NOL11: variants seen among roughly 807,000 people sequenced by gnomAD.
NOL11 encodes nucleolar protein 11.
Under a neutral mutation model 93.0 loss-of-function variants are expected in NOL11, and 42 were observed. The observed-to-expected ratio is 0.45, with a 90% confidence interval of 0.35 to 0.58. The LOEUF (loss-of-function observed/expected upper bound fraction) is 0.58. NOL11 is among the 20% of genes least tolerant of loss of function. The pLI, the probability that NOL11 is intolerant of heterozygous loss-of-function variation, is 0.00. For synonymous variants in NOL11, 296 were observed against 293.7 expected (o/e 1.01, Z -0.08); for missense variants, 775 against 841.8 (o/e 0.92, Z 0.98).
At chr17:67,727,194 C>T (rs2055103713) in intron 7 of NOL11, among the ~76,000 whole-genome samples, 1 of 152,210 alleles carries the variant, frequency 6.6e-6, no homozygotes, top group Admixed American at 6.5e-5. Context: ...CACTAGAAAA[C>T]TCAGACTCTG....
In NOL11 at chr17:67,743,580, A is replaced by G; in HGVS notation, c.2037A>G (p.Lys679=). ...TGATAAATCTTTACAAGCTTGTAAAATCTCAGGTTTGTGATTATTTGATAT... is the reference window on the plus strand; with the variant it reads ...TGATAAATCTTTACAAGCTTGTAAAGTCTCAGGTTTGTGATTATTTGATAT... ...RLLINLYKLV[K]SQISVYSELN... The change falls in exon 17 of 18, where the codon AAA becomes AAG. Residue 679 remains lysine (K), a synonymous_variant. Coordinates refer to ENST00000253247, the MANE Select transcript of NOL11 (RefSeq NM_015462.5). 1.3e-6 allele frequency: 2 copies of G among 1,576,180 alleles called. No homozygotes were observed. The highest frequency in any genetic ancestry group is 8.7e-7 in the Non-Finnish European group (1 of 1,150,786).
chr17:67,735,875 A>G (rs369134718), intron 8 of NOL11, 25 bp from the exon 9 acceptor site: 1 of 1,596,656 alleles, frequency 6.3e-7, no homozygotes, highest in South Asian at 1.1e-5. Context: ...AAATTTGCTT[A>G]TGTTTTTGAT....
chr17:67,739,718 T>C (rs2055237610), intron 16 of NOL11, 110 bp downstream of exon 16: 1 of 667,712 alleles, frequency 1.5e-6, no homozygotes, highest in African/African-American at 1.9e-5. Context: ...TCCTAGGCCG[T>C]AGGAATCCCT....
At chr17:67,741,478 C>G (rs1048190437) in intron 16 of NOL11, among the ~76,000 whole-genome samples, 1 of 151,996 alleles carries the variant, frequency 6.6e-6, no homozygotes, top group Non-Finnish European at 1.5e-5. Flanking sequence ...TCTTGGCCTC[C>G]CAAAGCATGT....
rs560130697 is a variant in NOL11 at position 67,743,946 on chromosome 17, C to T, written c.*87C>T. On this transcript the variant is annotated 3_prime_UTR_variant, in exon 18 of 18. Transcript: ENST00000253247. ...CCAGGCAAGAACGGTGTTTTGTTTG[C>T]GACCATCTCAGTGTCAAGAGAAACG... The T allele has an allele frequency of 4.6e-5, 32 of 693,804 alleles. No homozygotes were observed. In the Admixed American group the frequency reaches 5.0e-4, roughly 11 times the overall value. The allele number at this position is 693,804 out of a possible 1,614,324, so 43.0% of individuals were successfully genotyped here.
intron 16 of NOL11, among the ~76,000 whole-genome samples, chr17:67,742,710 G>A (rs2055267443): frequency 6.6e-6 from 1 of 152,080 alleles, no homozygotes; most frequent in African/African-American, 2.4e-5. Flanking sequence ...CTCCCAAATG[G>A]ATAGCCAGTT....
chr17:67,721,361 T>G lies in NOL11; in HGVS notation c.313-17T>G. ...ATTGTTTTAGAATAAAAATTAAAATTTTTTATGTTCTTCCAGTTGTCAGCA... is the reference window on the plus strand; with the variant it reads ...ATTGTTTTAGAATAAAAATTAAAATGTTTTATGTTCTTCCAGTTGTCAGCA... On this transcript the variant is annotated splice_polypyrimidine_tract_variant and intron_variant, in intron 3 of 17. Transcript: ENST00000253247. 6.7e-7 allele frequency: 1 copy of G among 1,493,368 alleles called. No individual in the cohort carries two copies. Among genetic ancestry groups the G allele is most frequent in the Non-Finnish European group, 8.9e-7 (1 of 1,119,708 alleles). 92.5% of individuals were successfully genotyped at this position (1,493,368 alleles called of 1,614,324 possible).
chr17:67,727,542 A>C (rs955479343), intron 7 of NOL11, among the ~76,000 whole-genome samples: 3 of 152,142 alleles, frequency 2.0e-5, no homozygotes, highest in Non-Finnish European at 2.9e-5. Flanking sequence ...CTGTAATCCC[A>C]GCTACTCAGG....
intron 1 of NOL11, chr17:67,718,993 T>TC (rs1337521958): frequency 2.0e-5 from 3 of 152,222 alleles, no homozygotes; most frequent in Non-Finnish European, 4.4e-5. Context: ...AGGCATAACT[T>TC]CCCATGCAGA....
At chr17:67,718,168 C>A in intron 1 of NOL11, 80 bp downstream of exon 1, 1 of 1,560,396 alleles carries the variant, frequency 6.4e-7, no homozygotes. Context: ...AAGTTTCTCA[C>A]AGCTTCAGAA....
chr17:67,731,775 A>C (rs1320392433), intron 7 of NOL11, among the ~76,000 whole-genome samples: 1 of 152,202 alleles, frequency 6.6e-6, no homozygotes, highest in Non-Finnish European at 1.5e-5. Flanking sequence ...CCAGCACCAC[A>C]GTGGTCCTGG....
intron 4 of NOL11, among the ~76,000 whole-genome samples, chr17:67,722,315 G>A (rs1192241139): frequency 6.6e-6 from 1 of 152,162 alleles, no homozygotes; most frequent in African/African-American, 2.4e-5. Flanking sequence ...ATTTAAGTTT[G>A]GGAAGCACTG....
chr17:67,729,238 G>C (rs948650246), intron 7 of NOL11, among the ~76,000 whole-genome samples: 2 of 151,922 alleles, frequency 1.3e-5, no homozygotes, highest in African/African-American at 4.8e-5. Flanking sequence ...GGGATTACAG[G>C]CATGTGCCAC....
intron 4 of NOL11, among the ~76,000 whole-genome samples, chr17:67,722,274 T>C (rs914621054): frequency 7.2e-5 from 11 of 152,210 alleles, no homozygotes; most frequent in African/African-American, 2.7e-4. Flanking sequence ...GTCCCAAAAG[T>C]AACTCTGAAG....
At chr17:67,726,003 T>C (rs1443775585) in intron 6 of NOL11, among the ~76,000 whole-genome samples, 2 of 152,150 alleles carry the variant, frequency 1.3e-5, no homozygotes, top group Admixed American at 1.3e-4. Flanking sequence ...ATAGATCACT[T>C]GAGCCCAGTA....
At chr17:67,743,024 T>G (rs2055269837) in intron 16 of NOL11, among the ~76,000 whole-genome samples, 1 of 152,212 alleles carries the variant, frequency 6.6e-6, no homozygotes, top group Non-Finnish European at 1.5e-5. Flanking sequence ...GGAGGATTGC[T>G]TGAGGCCAGG....
At chr17:67,731,168 C>T (rs2055150893) in intron 7 of NOL11, among the ~76,000 whole-genome samples, 1 of 151,966 alleles carries the variant, frequency 6.6e-6, no homozygotes, top group Non-Finnish European at 1.5e-5. Context: ...GATGCTACAC[C>T]CTTATCAGAC....
chr17:67,728,491 TG>T (rs1229790591), intron 7 of NOL11, among the ~76,000 whole-genome samples: 1 of 152,198 alleles, frequency 6.6e-6, no homozygotes, highest in Non-Finnish European at 1.5e-5. Flanking sequence ...TCTTAAGTCC[TG>T]GCTCTTGACC....
intron 4 of NOL11, 115 bp from the exon 5 acceptor site, chr17:67,722,465 G>A: frequency 7.0e-7 from 1 of 1,434,640 alleles, no homozygotes; most frequent in Non-Finnish European, 9.2e-7. Flanking sequence ...GTTCTCTGAT[G>A]TCTTTCTGGT....
Sources: gnomAD v4.1 joint callset for allele counts (sites outside exome capture counted in the v4.1 genomes callset) on GRCh38, gnomAD v4.1.1 for gene constraint, MANE v1.5 for transcripts, NCBI Gene and HGNC (gene_info 2026-07-23, HGNC 2026-07-21) for gene names.